The following BCLAF1 variants were observed in gnomAD, a reference collection of about 807,000 sequenced individuals.
The protein encoded by BCLAF1 is bcl-2-associated transcription factor 1.
BCLAF1 carries 10 observed loss-of-function variants against 99.5 expected under a neutral mutation model. The observed-to-expected ratio is 0.10, with a 90% CI of 0.06 to 0.17. BCLAF1 has a LOEUF of 0.17. Ranked by LOEUF, BCLAF1 falls within the 10% of genes least tolerant of loss-of-function variation. The pLI, the probability that BCLAF1 is intolerant of heterozygous loss-of-function variation, is 1.00. For synonymous variants in BCLAF1, 255 were observed against 370.9 expected (o/e 0.69, Z 3.59); for missense variants, 636 against 1,105.8 (o/e 0.58, Z 6.02).
Position 136,267,102 on chromosome 6 carries a change from G to A in BCLAF1, c.2471C>T (p.Thr824Ile). Residue 824 changes from threonine to isoleucine, a missense_variant, in exon 11 of 13, where the codon ACT (threonine) becomes ATT (isoleucine). This residue lies in a region of BCLAF1 where 30 missense variants were observed against 22.9 expected (regional missense o/e 1.31). Coordinates refer to ENST00000531224, the MANE Select transcript of BCLAF1 (RefSeq NM_014739.3). ...GTNTGPNNSN[T>I]TFQKRPKEEE... ...TTCCTTCGGTCTCTTTTGAAAAGTA[G>A]TATTTGAGTTGTTTGGACCAGTATT... The A allele has an allele frequency of 1.2e-6, 2 of 1,613,208 alleles. No homozygotes were observed. Among genetic ancestry groups the A allele is most frequent in the Non-Finnish European group, 1.7e-6 (2 of 1,179,414 alleles).
rs1444384961 is a variant in BCLAF1 at position 136,260,242 on chromosome 6, A to G, written c.*868T>C. On this transcript the variant is annotated 3_prime_UTR_variant, in exon 13 of 13. Transcript: ENST00000531224. ...CTGCAGGATAGACCTCCTACATACCAACCCCAGGATTACAGTTTTTCTTCT... is the reference window on the plus strand; with the variant it reads ...CTGCAGGATAGACCTCCTACATACCGACCCCAGGATTACAGTTTTTCTTCT... The G allele has an allele frequency of 6.6e-6, 1 of 152,032 alleles. No homozygotes were observed. The highest frequency in any genetic ancestry group is 1.5e-5 in the Non-Finnish European group (1 of 67,902). The allele number at this position is 152,032 out of a possible 1,614,324, so 9.4% of individuals were successfully genotyped here. A position where few individuals can be genotyped will look rare whatever the true frequency, so the allele number is the denominator to read the frequency against.
At chr6:136,261,187 T>C in intron 12 of BCLAF1, 72 bp from the exon 13 acceptor site, 1 of 1,564,078 alleles carries the variant, frequency 6.4e-7, no homozygotes, top group Non-Finnish European at 8.7e-7. Context: ...TTAATAATTG[T>C]TCCTAAAAAT....
rs1341568062 is a variant in BCLAF1, at chr6:136,277,998, T to C, written c.883A>G (p.Ile295Val). The C allele has an allele frequency of 1.2e-6, 2 of 1,605,324 alleles. No homozygotes were observed. The highest frequency in any genetic ancestry group is 1.7e-6 in the Non-Finnish European group (2 of 1,175,418). ...TTTGCAGGACTTCTTCGTGAAGGGA[T>C]GTGATGAATTGGACTATTCTGAGAA... is the stretch of plus-strand genomic sequence containing the variant. ...SPSQNSPIHH[I>V]PSRRSPAKTI... Residue 295 changes from isoleucine to valine, a missense_variant, in exon 4 of 13, where the codon ATC becomes GTC. Around this residue, in one of 9 missense-constraint regions of BCLAF1, gnomAD observed 186 missense variants for 275.3 expected, o/e 0.68. Transcript: ENST00000531224.
chr6:136,275,309 T>C (rs540870559), intron 6 of BCLAF1, among the ~76,000 whole-genome samples: 1 of 152,160 alleles, frequency 6.6e-6, no homozygotes, highest in Non-Finnish European at 1.5e-5. Flanking sequence ...TTTTAGCATA[T>C]GGTTTCTCCA....
At position 136,258,200 on chromosome 6, in the gene BCLAF1, T is replaced by C. The variant is rs1051184667; in HGVS notation, c.*2910A>G. 12 of 152,112 alleles carry C rather than the reference T, an allele frequency of 7.9e-5. No homozygotes were observed. The highest frequency in any genetic ancestry group is 2.9e-4 in the African/African-American group (12 of 41,466). The allele number at this position is 152,112 out of a possible 1,614,324, so 9.4% of individuals were successfully genotyped here. ...TGAATGAAAAGACAATTCTTTTTAC[T>C]TATTTACTAGCTACTATGTTTTTAG... On this transcript the variant is annotated 3_prime_UTR_variant, in exon 13 of 13. Coordinates refer to ENST00000531224, the MANE Select transcript of BCLAF1 (RefSeq NM_014739.3).
At chr6:136,264,457 A>G (rs6921018) in intron 11 of BCLAF1, among the ~76,000 whole-genome samples, 6,346 of 152,194 alleles carry the variant, frequency 0.042, 293 homozygotes, top group African/African-American at 0.12. Flanking sequence ...CACCTGTCTC[A>G]GCCTCCCAAA....
In BCLAF1 at chr6:136,267,141, A is replaced by G. The variant is rs756221834; in HGVS notation, c.2432T>C (p.Val811Ala). 1.9e-6 allele frequency: 3 copies of G among 1,612,988 alleles called. No homozygotes were observed. The highest frequency in any genetic ancestry group is 2.2e-5 in the East Asian group (1 of 44,818). ...RIRGRGRARGVFAGTNTGPNN... is the reference protein window; with the variant it reads ...RIRGRGRARGAFAGTNTGPNN... ...TGGACCAGTATTTGTCCCAGCAAAA[A>G]CTCCTCTGGCTCTTCCTCTGCCTCT... The change falls in exon 11 of 13, where the codon GTT becomes GCT. Residue 811 changes from valine (V) to alanine (A), a missense_variant. Around this residue, in one of 9 missense-constraint regions of BCLAF1, gnomAD observed 30 missense variants for 22.9 expected, o/e 1.31. Coordinates refer to ENST00000531224, the MANE Select transcript of BCLAF1 (RefSeq NM_014739.3).
rs183978710 is a variant in BCLAF1, at chr6:136,284,263, G to A, written c.-114-1576C>T. Among the ~76,000 whole-genome samples, 10 of 151,476 alleles carry A rather than the reference G, an allele frequency of 6.6e-5. No individual in the cohort carries two copies. In the East Asian group the frequency reaches 1.5e-3, roughly 23 times the overall value. The stretch of plus-strand genomic sequence containing the variant: ...AAAAACTGACAGAACAGGGAATACA[G>A]GCTGTTAGACCAGTGGATATACATT... On this transcript the variant is annotated intron_variant, in intron 1 of 12. Transcript: ENST00000531224.
chr6:136,274,879 T>C (rs1783040096), intron 6 of BCLAF1, among the ~76,000 whole-genome samples: 1 of 151,912 alleles, frequency 6.6e-6, no homozygotes, highest in Non-Finnish European at 1.5e-5. Context: ...TTAGTTGAAA[T>C]AAACAACCTT....
chr6:136,275,592 T>C lies in BCLAF1; in HGVS notation c.1792A>G (p.Ser598Gly). 6.3e-7 allele frequency: 1 copy of C among 1,593,176 alleles called. No homozygotes were observed. Among genetic ancestry groups the C allele is most frequent in the East Asian group, 2.2e-5 (1 of 44,782 alleles). Residue 598 changes from serine to glycine, a missense_variant, in exon 6 of 13, where the codon AGC becomes GGC. By Grantham distance (56) the Ser-to-Gly change is moderately conservative. Transcript: ENST00000531224. ...IFDHIKLPQA[S>G]KSTSESFIQH... ...ATAAATGACTCTGAAGTGCTTTTGCTGGCCTGTGGCAACTTAATGTGGTCA... is the reference window on the plus strand; with the variant it reads ...ATAAATGACTCTGAAGTGCTTTTGCCGGCCTGTGGCAACTTAATGTGGTCA...
chr6:136,284,128 G>A lies in BCLAF1; in HGVS notation c.-114-1441C>T, dbSNP rs868386624. On this transcript the variant is annotated intron_variant, in intron 1 of 12. Transcript: ENST00000531224. ...TATATACATATATATGTGTGTGTGT[G>A]TGTATATATATATATATATATATAT... Among the ~76,000 whole-genome samples, 94 of 81,344 alleles carry A rather than the reference G, an allele frequency of 1.2e-3. 1 individual carries two copies. The highest frequency in any genetic ancestry group is 4.1e-3 in the African/African-American group (92 of 22,182). 53.4% of individuals were successfully genotyped at this position (81,344 alleles called of 152,430 possible).
chr6:136,284,958 T>C (rs1208685955), intron 1 of BCLAF1, among the ~76,000 whole-genome samples: 4 of 152,052 alleles, frequency 2.6e-5, no homozygotes, highest in Admixed American at 6.6e-5. Context: ...ACTGCAAAGA[T>C]TCACAGAGGG....
chr6:136,280,963 A>G (rs1437158316), intron 2 of BCLAF1, among the ~76,000 whole-genome samples: 1 of 152,186 alleles, frequency 6.6e-6, no homozygotes, highest in Non-Finnish European at 1.5e-5. Flanking sequence ...AGTATCTCCT[A>G]CAACCAAGTA....
intron 10 of BCLAF1, 69 bp downstream of exon 10, chr6:136,268,093 G>A: frequency 1.5e-6 from 2 of 1,338,302 alleles, no homozygotes; most frequent in Non-Finnish European, 1.0e-6. Flanking sequence ...TCATGTATAT[G>A]ACCTTCCTTA....
chr6:136,282,957 C>T (rs1421915319), intron 1 of BCLAF1, among the ~76,000 whole-genome samples: 1 of 151,764 alleles, frequency 6.6e-6, no homozygotes, highest in Non-Finnish European at 1.5e-5. Context: ...CCTTAAAAAA[C>T]ATATGATATG....
chr6:136,286,348 T>C (rs1785128535), intron 1 of BCLAF1, among the ~76,000 whole-genome samples: 1 of 152,218 alleles, frequency 6.6e-6, no homozygotes, highest in African/African-American at 2.4e-5. Context: ...AGCCATTAAC[T>C]AGCTGCCCAA....
chr6:136,260,510 C>G lies in BCLAF1; in HGVS notation c.*600G>C, dbSNP rs1780823273. On this transcript the variant is annotated 3_prime_UTR_variant, in exon 13 of 13. Transcript: ENST00000531224. ...AACTTTTCAATCTGATTTTTAATAG[C>G]TTGTACTTTTTAGCTATTGGCAAAG... 1 of 152,182 alleles carries G rather than the reference C, an allele frequency of 6.6e-6. No homozygotes were observed. Among genetic ancestry groups the G allele is most frequent in the Non-Finnish European group, 1.5e-5 (1 of 67,904 alleles). The allele number at this position is 152,182 out of a possible 1,614,324, so 9.4% of individuals were successfully genotyped here. A position where few individuals can be genotyped will look rare whatever the true frequency, so the allele number is the denominator to read the frequency against.
intron 1 of BCLAF1, among the ~76,000 whole-genome samples, chr6:136,289,472 G>C (rs1291333602): frequency 2.0e-5 from 3 of 152,214 alleles, no homozygotes; most frequent in African/African-American, 7.2e-5. Flanking sequence ...TCTCCAGGCA[G>C]GTTCGCAAAC....
intron 1 of BCLAF1, among the ~76,000 whole-genome samples, chr6:136,286,617 A>G (rs1375951464): frequency 6.6e-6 from 1 of 152,218 alleles, no homozygotes; most frequent in Non-Finnish European, 1.5e-5. Flanking sequence ...ATGTAAGGTT[A>G]CCTAATATTT....
Sources: gnomAD v4.1 joint callset for allele counts (sites outside exome capture counted in the v4.1 genomes callset) on GRCh38, gnomAD v4.1.1 for gene constraint, gnomAD v4.1.1 regional missense constraint, MANE v1.5 for transcripts, NCBI Gene and HGNC (gene_info 2026-07-23, HGNC 2026-07-21) for gene names.